Variants in TCERG1L observed in about 807,000 individuals in gnomAD.
The protein encoded by TCERG1L is transcription elongation regulator 1 like.
TCERG1L carries 37 observed loss-of-function variants against 56.3 expected under a neutral mutation model. That is an observed-to-expected ratio of 0.66 (90% CI 0.51 to 0.87). The LOEUF is 0.87. Ranked by LOEUF, TCERG1L falls within the 40% of genes least tolerant of loss-of-function variation. TCERG1L has a pLI of 0.00. For synonymous variants in TCERG1L, 324 were observed against 326.3 expected, an observed-to-expected ratio of 0.99 and a Z score of 0.08; for missense variants, 799 against 774.2, an observed-to-expected ratio of 1.03 and a Z score of -0.38.
intron 4 of TCERG1L, among the ~76,000 whole-genome samples, chr10:131,205,614 G>A (rs547749715): frequency 1.3e-5 from 2 of 152,290 alleles, no homozygotes; most frequent in South Asian, 2.1e-4. Flanking sequence ...GGTAAACGCC[G>A]CCTTCCATGG....
At chr10:131,280,557 T>A (rs980786032) in intron 3 of TCERG1L, among the ~76,000 whole-genome samples, 2 of 152,090 alleles carry the variant, frequency 1.3e-5, no homozygotes, top group Non-Finnish European at 2.9e-5. Context: ...TGAGTGGTGA[T>A]TTTGAATAGA....
At chr10:131,105,396 CACTTCCGAG>C (rs1845342613) in intron 9 of TCERG1L, among the ~76,000 whole-genome samples, 2 of 149,964 alleles carry the variant, frequency 1.3e-5, no homozygotes, top group African/African-American at 4.9e-5. Flanking sequence ...GGTTGTGCTC[CACTTCCGAG>C]GAGAAGTAGC....
chr10:131,132,994 CT>C (rs1303515645), intron 8 of TCERG1L, among the ~76,000 whole-genome samples: 1 of 139,128 alleles, frequency 7.2e-6, no homozygotes, highest in Admixed American at 6.8e-5. Context: ...ACCTGATCAC[CT>C]CGCTGGCTTG....
chr10:131,231,452 T>C (rs1175182856), intron 4 of TCERG1L, among the ~76,000 whole-genome samples: 1 of 152,150 alleles, frequency 6.6e-6, no homozygotes, highest in Non-Finnish European at 1.5e-5. Context: ...ACTCCAAGAA[T>C]TGCAGCCCTG....
intron 9 of TCERG1L, among the ~76,000 whole-genome samples, chr10:131,111,062 A>C (rs1241728977): frequency 1.4e-5 from 2 of 143,704 alleles, no homozygotes; most frequent in Non-Finnish European, 3.1e-5. Flanking sequence ...GAAAGCTAGC[A>C]AAAGGATGGC....
intron 6 of TCERG1L, among the ~76,000 whole-genome samples, chr10:131,148,670 T>A (rs927171675): frequency 1.0e-5 from 1 of 95,668 alleles, no homozygotes; most frequent in African/African-American, 3.1e-5. Context: ...ATGCCTGGCC[T>A]TGAGGCTGGA....
chr10:131,143,867 G>A (rs1424054891), intron 7 of TCERG1L, among the ~76,000 whole-genome samples: 2 of 152,162 alleles, frequency 1.3e-5, no homozygotes, highest in African/African-American at 2.4e-5. Flanking sequence ...TGGATGCACC[G>A]CAAGGTAATT....
chr10:131,181,233 G>A (rs572339264), intron 4 of TCERG1L, among the ~76,000 whole-genome samples: 2 of 152,344 alleles, frequency 1.3e-5, no homozygotes, highest in South Asian at 2.1e-4. Context: ...AGAGAGAGTG[G>A]GGCCAGGCTC....
chr10:131,257,049 G>GAAAGAAAGAAAGGA (rs1564827261), intron 4 of TCERG1L, among the ~76,000 whole-genome samples: 1 of 140,290 alleles, frequency 7.1e-6, no homozygotes, highest in African/African-American at 2.7e-5. Context: ...AAGAAAGAAA[G>GAAAGAAAGAAAGGA]AAAGAAAAGA....
At chr10:131,304,908 C>T (rs1846804444) in intron 3 of TCERG1L, among the ~76,000 whole-genome samples, 1 of 151,996 alleles carries the variant, frequency 6.6e-6, no homozygotes, top group Non-Finnish European at 1.5e-5. Context: ...TGTGATGGGA[C>T]TTGTTTGAAG....
intron 4 of TCERG1L, among the ~76,000 whole-genome samples, chr10:131,188,897 G>T (rs80245358): frequency 6.6e-6 from 1 of 152,040 alleles, no homozygotes; most frequent in Non-Finnish European, 1.5e-5. Context: ...GTTATTTTAC[G>T]CATTTTCAGG....
chr10:131,245,898 G>T (rs940191358), intron 4 of TCERG1L, among the ~76,000 whole-genome samples: 4 of 152,174 alleles, frequency 2.6e-5, no homozygotes, highest in Non-Finnish European at 4.4e-5. Flanking sequence ...GGGTGGATGG[G>T]AGTGTAGGTG....
At chr10:131,228,124 CA>C (rs1845813617) in intron 4 of TCERG1L, among the ~76,000 whole-genome samples, 1 of 151,966 alleles carries the variant, frequency 6.6e-6, no homozygotes. Flanking sequence ...CCGGAGTCTC[CA>C]CTCCAGACAG....
intron 4 of TCERG1L, among the ~76,000 whole-genome samples, chr10:131,251,558 A>G (rs1846111914): frequency 2.0e-5 from 3 of 152,108 alleles, no homozygotes; most frequent in African/African-American, 7.2e-5. Flanking sequence ...CGGACTGCTG[A>G]TGTGGCCAGA....
At chr10:131,125,687 C>T (rs986360242) in intron 8 of TCERG1L, among the ~76,000 whole-genome samples, 4 of 152,196 alleles carry the variant, frequency 2.6e-5, no homozygotes, top group East Asian at 1.9e-4. Context: ...ACAGGGGTGT[C>T]GGTTCCGCCA....
chr10:131,273,789 G>A (rs1846365228), intron 3 of TCERG1L, among the ~76,000 whole-genome samples: 2 of 152,178 alleles, frequency 1.3e-5, no homozygotes, highest in Admixed American at 1.3e-4. Flanking sequence ...TTCCAAAAAG[G>A]CTCTTGGAGC....
At chr10:131,146,786 G>T in intron 6 of TCERG1L, 126 bp from the exon 7 acceptor site, 2 of 1,090,590 alleles carry the variant, frequency 1.8e-6, no homozygotes, top group Non-Finnish European at 2.6e-6. Context: ...GCTTGTTTAT[G>T]GATAGTATGA....
At chr10:131,238,508 C>T (rs1215408736) in intron 4 of TCERG1L, among the ~76,000 whole-genome samples, 1 of 152,144 alleles carries the variant, frequency 6.6e-6, no homozygotes, top group Non-Finnish European at 1.5e-5. Flanking sequence ...GGCTTTATTT[C>T]ACAAGCGGAC....
At chr10:131,189,657 T>C (rs1295619753) in intron 4 of TCERG1L, among the ~76,000 whole-genome samples, 2 of 152,324 alleles carry the variant, frequency 1.3e-5, no homozygotes, top group East Asian at 3.9e-4. Flanking sequence ...CAGGTATCTT[T>C]TTGGTATATT....
Sources: gnomAD v4.1 joint callset for allele counts (sites outside exome capture counted in the v4.1 genomes callset) on GRCh38, gnomAD v4.1.1 for gene constraint, MANE v1.5 for transcripts, NCBI Gene and HGNC (gene_info 2026-07-23, HGNC 2026-07-21) for gene names.